TIPRL: variants seen among roughly 807,000 people sequenced by gnomAD.
TIPRL encodes TOR signaling pathway regulator.
Under a neutral mutation model 32.3 loss-of-function variants are expected in TIPRL, and 10 were observed. That is an observed-to-expected ratio of 0.31 (90% CI 0.19 to 0.52). The LOEUF (loss-of-function observed/expected upper bound fraction) is 0.52, where lower values mean the gene tolerates loss of function less well. TIPRL is among the 20% of genes least tolerant of loss of function. TIPRL has a pLI of 0.96. For missense variants in TIPRL, 250 were observed against 328.1 expected (o/e 0.76, Z 1.84); for synonymous variants, 100 against 114.0 (o/e 0.88, Z 0.78).
chr1:168,188,912 T>C (rs1214568408), intron 3 of TIPRL, among the ~76,000 whole-genome samples: 1 of 150,652 alleles, frequency 6.6e-6, no homozygotes, highest in Non-Finnish European at 1.5e-5. Flanking sequence ...ACCCAGGAGC[T>C]GGAGGTTGCA....
At chr1:168,193,130 G>A (rs1023269039) in intron 4 of TIPRL, among the ~76,000 whole-genome samples, 10 of 152,198 alleles carry the variant, frequency 6.6e-5, no homozygotes, top group African/African-American at 2.4e-4. Flanking sequence ...CAAGGCTACA[G>A]TGAGCTATGA....
chr1:168,196,664 A>G (rs777339707), intron 5 of TIPRL, 22 bp downstream of exon 5: 3 of 1,501,888 alleles, frequency 2.0e-6, no homozygotes, highest in South Asian at 1.2e-5. Context: ...TGTTTAATGA[A>G]TATACTAATT....
In TIPRL at chr1:168,196,650, T is replaced by G. The variant is rs16860183; in HGVS notation, c.612+8T>G. 121,575 of 1,573,936 alleles carry G rather than the reference T, an allele frequency of 0.077. 5,321 individuals are homozygous for G. Among genetic ancestry groups the G allele is most frequent in the African/African-American group, 0.11 (7,866 of 73,420 alleles). The stretch of plus-strand genomic sequence containing the variant: ...ACGAGACTTTACCATGAGGTATTTA[T>G]TGTTGTTTAATGAATATACTAATTG... On this transcript the variant is annotated splice_region_variant and intron_variant, in intron 5 of 6. Transcript: ENST00000367833.
At chr1:168,186,071 T>C (rs1401471868) in intron 3 of TIPRL, among the ~76,000 whole-genome samples, 1 of 75,658 alleles carries the variant, frequency 1.3e-5, no homozygotes, top group East Asian at 3.8e-4. Context: ...CGAGACTCCG[T>C]CTCAAAAAAA....
chr1:168,194,940 A>G (rs751213533), intron 4 of TIPRL, among the ~76,000 whole-genome samples: 3 of 152,240 alleles, frequency 2.0e-5, no homozygotes, highest in East Asian at 1.9e-4. Flanking sequence ...ATGGAGTGCT[A>G]TGAGAGAGAA....
chr1:168,181,238 G>C (rs1371616405), intron 1 of TIPRL, among the ~76,000 whole-genome samples: 2 of 146,634 alleles, frequency 1.4e-5, no homozygotes, highest in Non-Finnish European at 3.0e-5. Context: ...TTTTGAGATG[G>C]AGTTTCACTT....
intron 2 of TIPRL, 85 bp from the exon 3 acceptor site, chr1:168,184,694 A>G (rs1700005954): frequency 2.4e-6 from 2 of 827,782 alleles, no homozygotes; most frequent in South Asian, 3.2e-5. Flanking sequence ...ATGTTATTAT[A>G]GAATATAATT....
chr1:168,185,499 G>A (rs1371983343), intron 3 of TIPRL, among the ~76,000 whole-genome samples: 7 of 152,048 alleles, frequency 4.6e-5, no homozygotes, highest in African/African-American at 1.7e-4. Context: ...GGGGCCAGGC[G>A]CAGTGGCTCA....
chr1:168,184,570 A>C (rs557534023), intron 2 of TIPRL, among the ~76,000 whole-genome samples: 1 of 152,366 alleles, frequency 6.6e-6, no homozygotes, highest in East Asian at 1.9e-4. Context: ...GGCTGTATAC[A>C]GACTAATTGA....
Position 168,200,660 on chromosome 1 carries a change from G to A in TIPRL, c.*614G>A, listed in dbSNP as rs1212726964. 6.6e-6 allele frequency: 1 copy of A among 151,936 alleles called. No individual in the cohort carries two copies. Among genetic ancestry groups the A allele is most frequent in the Non-Finnish European group, 1.5e-5 (1 of 67,990 alleles). The allele number at this position is 151,936 out of a possible 1,614,324, so 9.4% of individuals were successfully genotyped here. On this transcript the variant is annotated 3_prime_UTR_variant, in exon 7 of 7. Coordinates refer to ENST00000367833, the MANE Select transcript of TIPRL (RefSeq NM_152902.5). ...CAGAACCAAAAATACCTAGATTTTT[G>A]GAGAACTTATTACATACATAGAAAC...
rs1699924889 is a variant in TIPRL at position 168,178,998 on chromosome 1, A to G, written c.-80A>G. 1 of 1,292,588 alleles carries G rather than the reference A, an allele frequency of 7.7e-7. No individual in the cohort carries two copies. Among genetic ancestry groups the G allele is most frequent in the African/African-American group, 1.5e-5 (1 of 68,160 alleles). 80.1% of individuals were successfully genotyped at this position (1,292,588 alleles called of 1,614,324 possible). A position where few individuals can be genotyped will look rare whatever the true frequency, so the allele number is the denominator to read the frequency against. Reference sequence around the variant, plus strand: ...TCGGAAGCCTAGGAGGCTGGGCCGGAGGGAGGCGGAGGAACCGGTGTTCGC... The same window carrying G: ...TCGGAAGCCTAGGAGGCTGGGCCGGGGGGAGGCGGAGGAACCGGTGTTCGC... On this transcript the variant is annotated 5_prime_UTR_variant, in exon 1 of 7. Coordinates refer to ENST00000367833, the MANE Select transcript of TIPRL (RefSeq NM_152902.5).
At position 168,200,975 on chromosome 1, in the gene TIPRL, A is replaced by G. The variant is rs1256731160; in HGVS notation, c.*929A>G. On this transcript the variant is annotated 3_prime_UTR_variant, in exon 7 of 7. Transcript: ENST00000367833. ...GGTAAGGAGGAGGGGGTTTTAAAAT[A>G]TAAAAGCAAGTTTTTCTATTTTAAG... 2 of 152,212 alleles carry G rather than the reference A, an allele frequency of 1.3e-5. No homozygotes were observed. Among genetic ancestry groups the G allele is most frequent in the Non-Finnish European group, 2.9e-5 (2 of 68,016 alleles). The allele number at this position is 152,212 out of a possible 1,614,324, so 9.4% of individuals were successfully genotyped here.
rs1333386151 is a variant in TIPRL at position 168,191,271 on chromosome 1, G to C, written c.385-98G>C. On this transcript the variant is annotated intron_variant, in intron 3 of 6. Transcript: ENST00000367833. ...CTGTGTGCTCTGGCTATGTAGAAAA[G>C]ACTGATTGAAAAAGAAAAGAAAAGA... is the stretch of plus-strand genomic sequence containing the variant. 4 of 1,136,042 alleles carry C rather than the reference G, an allele frequency of 3.5e-6. No individual in the cohort carries two copies. In the African/African-American group the frequency reaches 6.6e-5, roughly 19 times the overall value. 70.4% of individuals were successfully genotyped at this position (1,136,042 alleles called of 1,614,324 possible).
At chr1:168,179,904 G>A (rs4657741) in intron 1 of TIPRL, among the ~76,000 whole-genome samples, 73,429 of 151,814 alleles carry the variant, frequency 0.48, 21,057 homozygotes, top group African/African-American at 0.79. Flanking sequence ...AGTGAAAGCT[G>A]TGATGTGTTT....
chr1:168,188,584 T>G (rs1281712937), intron 3 of TIPRL, among the ~76,000 whole-genome samples: 2 of 152,222 alleles, frequency 1.3e-5, no homozygotes, highest in Non-Finnish European at 2.9e-5. Context: ...ATTATTAGCT[T>G]GCAGCCCATA....
chr1:168,188,771 G>T (rs1417097531), intron 3 of TIPRL, among the ~76,000 whole-genome samples: 1 of 152,112 alleles, frequency 6.6e-6, no homozygotes, highest in Non-Finnish European at 1.5e-5. Context: ...CTGAGGTCAG[G>T]AGTTCGAGAC....
chr1:168,191,280 AAAAAG>A (rs776730010), intron 3 of TIPRL, 84 bp from the exon 4 acceptor site: 34 of 1,259,740 alleles, frequency 2.7e-5, no homozygotes, highest in African/African-American at 4.8e-5. Context: ...AGACTGATTG[AAAAAG>A]AAAAGAAAAG....
Position 168,179,102 on chromosome 1 carries a change from A to T in TIPRL, c.25A>T (p.Ser9Cys). ...CATGATGATCCACGGCTTCCAGAGC[A>T]GCCACCGGGATTTCTGCTTCGGGCC... is the stretch of plus-strand genomic sequence containing the variant. MMIHGFQS[S>C]HRDFCFGPWK... is the part of the protein sequence containing the mutation. Residue 9 changes from serine (S) to cysteine (C), a missense_variant, in exon 1 of 7, where the codon AGC becomes TGC. Ser to Cys is a moderately radical substitution (Grantham distance 112, BLOSUM62 -1). Coordinates refer to ENST00000367833, the MANE Select transcript of TIPRL (RefSeq NM_152902.5). The T allele has an allele frequency of 6.2e-7, 1 of 1,613,820 alleles. No individual in the cohort carries two copies.
In TIPRL at chr1:168,200,879, T is replaced by C. The variant is rs1172117021; in HGVS notation, c.*833T>C. ...AGTCTAAAGGGTTTATTAGGGGTTGTTTTTCGCAAATATTACATCAATCCT... is the reference window on the plus strand; with the variant it reads ...AGTCTAAAGGGTTTATTAGGGGTTGCTTTTCGCAAATATTACATCAATCCT... On this transcript the variant is annotated 3_prime_UTR_variant, in exon 7 of 7. Transcript: ENST00000367833. 1 of 152,146 alleles carries C rather than the reference T, an allele frequency of 6.6e-6. No homozygotes were observed. The highest frequency in any genetic ancestry group is 1.5e-5 in the Non-Finnish European group (1 of 68,000). The allele number at this position is 152,146 out of a possible 1,614,324, so 9.4% of individuals were successfully genotyped here. A position where few individuals can be genotyped will look rare whatever the true frequency, so the allele number is the denominator to read the frequency against.
Sources: gnomAD v4.1 joint callset for allele counts (sites outside exome capture counted in the v4.1 genomes callset) on GRCh38, gnomAD v4.1.1 for gene constraint, MANE v1.5 for transcripts, NCBI Gene and HGNC (gene_info 2026-07-23, HGNC 2026-07-21) for gene names.